Variants in OFD1 observed in about 807,000 individuals in gnomAD.
OFD1 encodes OFD1 centriole and centriolar satellite protein.
In OFD1, 12 loss-of-function variants were observed where a neutral mutation model predicts 81.4. The ratio of observed to expected loss-of-function variants is 0.15; its 90% confidence interval spans 0.09 to 0.24. OFD1 has a LOEUF of 0.24. Ranked by LOEUF, OFD1 falls within the 10% of genes least tolerant of loss-of-function variation. The probability of loss-of-function intolerance (pLI) is 1.00; values close to 1 mark genes in which losing one functional copy is unlikely to be tolerated. For missense variants in OFD1, 685 were observed against 733.9 expected (o/e 0.93, Z 0.77); for synonymous variants, 256 against 263.7 (o/e 0.97, Z 0.28).
At position 13,758,376 on chromosome X, in the gene OFD1, T is replaced by C; in HGVS notation, c.1582T>C (p.Tyr528His). ...ACAGCTGAAGGCCCAGATTCTAGGT[T>C]ACAAAGCTTCTGTAAAGAGTTTAAC... is the stretch of plus-strand genomic sequence containing the variant. Reference protein sequence around the residue: ...SAQLKAQILGYKASVKSLTTQ... With the variant: ...SAQLKAQILGHKASVKSLTTQ... Residue 528 changes from tyrosine (Y) to histidine (H), a missense_variant, in exon 15 of 23, where the codon TAC becomes CAC. Around this residue, in one of 3 missense-constraint regions of OFD1, gnomAD observed 414 missense variants for 447.2 expected, o/e 0.93. Transcript: ENST00000340096. 8.3e-7 allele frequency: 1 copy of C among 1,208,651 alleles called. No individual in the cohort carries two copies. The highest frequency in any genetic ancestry group is 1.8e-5 in the South Asian group (1 of 56,866).
chrX:13,753,291 A>G (rs1361650797), intron 10 of OFD1, 77 bp from the exon 11 acceptor site: 1 of 1,203,408 alleles, frequency 8.3e-7, no homozygotes, highest in African/African-American at 1.7e-5. Context: ...CCTGTGCCAT[A>G]GATAAGCTCC....
intron 11 of OFD1, 126 bp downstream of exon 11, chrX:13,753,567 C>A: frequency 1.6e-6 from 1 of 611,875 alleles, no homozygotes; most frequent in Non-Finnish European, 2.5e-6. Flanking sequence ...CAAAATTACA[C>A]ATTTTTTGTA....
chrX:13,769,872 C>G (rs2048268346), downstream of OFD1, among the ~76,000 whole-genome samples: 1 of 111,859 alleles, frequency 8.9e-6, no homozygotes. Context: ...CCTTGATCTT[C>G]GACTTCCCAG....
chrX:13,761,776 A>T (rs888503966), intron 17 of OFD1, among the ~76,000 whole-genome samples: 2 of 111,181 alleles, frequency 1.8e-5, no homozygotes, highest in Non-Finnish European at 1.9e-5. Context: ...GATTTGAGTC[A>T]TGAGCAGACT....
upstream of OFD1, among the ~76,000 whole-genome samples, chrX:13,733,143 ATT>A (rs76965829): frequency 1.9e-5 from 2 of 105,957 alleles, no homozygotes; most frequent in African/African-American, 6.8e-5. Flanking sequence ...CTTCAGGAAC[ATT>A]TTTTTTTTTT....
chrX:13,767,396 G>A lies in OFD1; in HGVS notation c.2757+112G>A, dbSNP rs1192521751. 3 of 798,104 alleles carry A rather than the reference G, an allele frequency of 3.8e-6. No individual in the cohort carries two copies. The African/African-American group carries it at 6.1e-5, about 16-fold the overall frequency. 65.8% of individuals were successfully genotyped at this position (798,104 alleles called of 1,213,427 possible). ...GGTGTACAAAGTCAGAGGTGCGGCA[G>A]ATGCCTTAAAAGGCATCCCTGTCCT... On this transcript the variant is annotated intron_variant, in intron 20 of 22. Coordinates refer to ENST00000340096, the MANE Select transcript of OFD1 (RefSeq NM_003611.3).
At position 13,761,091 on chromosome X, in the gene OFD1, G is replaced by T. The variant is rs763342688; in HGVS notation, c.2267G>T (p.Gly756Val). ...LESEMYLEGL[G>V]RSHIASPSPC... ...GGTTCTTTCTGCACCTTAGGTCTGG[G>T]CAGATCACACATTGCTTCCCCCAGT... Residue 756 changes from glycine to valine, a missense_variant, in exon 17 of 23, where the codon GGC becomes GTC. By Grantham distance (109) the Gly-to-Val change is moderately radical. Around this residue, in one of 3 missense-constraint regions of OFD1, gnomAD observed 259 missense variants for 254.4 expected, o/e 1.02. Transcript: ENST00000340096. 6 of 1,211,150 alleles carry T rather than the reference G, an allele frequency of 5.0e-6. No homozygotes were observed. In the South Asian group the frequency reaches 1.1e-4, roughly 21 times the overall value.
At chrX:13,770,967 C>G (rs1307380364), downstream of OFD1, 1 of 112,422 alleles carries the variant, frequency 8.9e-6, no homozygotes, top group African/African-American at 3.2e-5. Context: ...TATTTCATTA[C>G]TCTTAGTACA....
intron 12 of OFD1, among the ~76,000 whole-genome samples, 169 bp from the exon 13 acceptor site, chrX:13,756,409 G>A (rs950664921): frequency 8.9e-6 from 1 of 111,915 alleles, no homozygotes; most frequent in African/African-American, 3.3e-5. Flanking sequence ...ACTGTAGGGC[G>A]GAAGATAATT....
chrX:13,721,932 T>A, the OFD1 span: 1 of 110,335 alleles, frequency 9.1e-6, no homozygotes, highest in Non-Finnish European at 1.9e-5. Context: ...ATTTACTATC[T>A]GGCCCTTTAA....
intron 17 of OFD1, 133 bp downstream of exon 17, chrX:13,761,344 A>G (rs1005320699): frequency 9.1e-6 from 6 of 662,405 alleles, no homozygotes; most frequent in Non-Finnish European, 1.4e-5. Context: ...AGAATTTGCA[A>G]TCAGATTGCA....
chrX:13,764,344 A>C (rs2048045392), intron 19 of OFD1, among the ~76,000 whole-genome samples: 1 of 112,653 alleles, frequency 8.9e-6, no homozygotes, highest in South Asian at 3.7e-4. Flanking sequence ...TTAGGACAGA[A>C]AAACTTCGTA....
At chrX:13,717,324 C>T in the OFD1 span, among the ~76,000 whole-genome samples, 3 of 112,340 alleles carry the variant, frequency 2.7e-5, no homozygotes, top group South Asian at 1.1e-3. Flanking sequence ...CCTGTCAGAG[C>T]TGGGAGTGTC....
upstream of OFD1, chrX:13,734,005 C>T: frequency 1.9e-6 from 1 of 513,320 alleles, no homozygotes; most frequent in Non-Finnish European, 3.5e-6. Flanking sequence ...GGTTCCTTTC[C>T]TTTCTAATTA....
upstream of OFD1, among the ~76,000 whole-genome samples, chrX:13,732,919 T>G (rs929091079): frequency 3.5e-5 from 4 of 112,740 alleles, no homozygotes; most frequent in African/African-American, 1.3e-4. Context: ...CCTGGGGTCA[T>G]GAGACTAAAC....
chrX:13,760,479 G>A lies in OFD1; in HGVS notation c.2019G>A (p.Leu673=). The change falls in exon 16 of 23, where the codon CTG becomes CTA. Residue 673 remains leucine, a synonymous_variant. Transcript: ENST00000340096. ...TAGCAGCAAAGAGCCCACCATCTCT[G>A]CACTTGCTGGAAGCCTTCAAAAACA... The part of the protein sequence containing the change: ...SPLAAKSPPS[L]HLLEAFKNIT... 1 of 1,171,131 alleles carries A rather than the reference G, an allele frequency of 8.5e-7. No homozygotes were observed. The highest frequency in any genetic ancestry group is 1.1e-6 in the Non-Finnish European group (1 of 877,681).
downstream of OFD1, chrX:13,772,719 C>G: frequency 2.6e-6 from 1 of 383,892 alleles, no homozygotes; most frequent in Non-Finnish European, 4.4e-6. Context: ...GATTTACCCA[C>G]TGGAAGGTTT....
upstream of OFD1, among the ~76,000 whole-genome samples, chrX:13,733,769 T>C (rs2046736452): frequency 9.1e-6 from 1 of 110,132 alleles, no homozygotes. Flanking sequence ...CTTTTAATGA[T>C]TCCTTTGCTC....
At chrX:13,734,011 A>G, upstream of OFD1, 2 of 513,386 alleles carry the variant, frequency 3.9e-6, no homozygotes, top group Non-Finnish European at 7.0e-6. Flanking sequence ...TTTCCTTTCT[A>G]ATTACATTTA....
Sources: allele counts gnomAD v4.1 joint callset (sites outside exome capture counted in the v4.1 genomes callset), GRCh38; gene constraint gnomAD v4.1.1; regional missense constraint gnomAD v4.1.1; transcripts MANE v1.5; gene names NCBI Gene and HGNC (gene_info 2026-07-23, HGNC 2026-07-21).